The following TBX3 variants were observed in gnomAD, a reference collection of about 807,000 sequenced individuals.
The protein encoded by TBX3 is T-box transcription factor 3, also known as T-box transcription factor TBX3.
In TBX3, 11 loss-of-function variants were observed where a neutral mutation model predicts 47.8. The ratio of observed to expected loss-of-function variants is 0.23; its 90% confidence interval spans 0.14 to 0.38. The LOEUF (loss-of-function observed/expected upper bound fraction) is 0.38, where lower values mean the gene tolerates loss of function less well. Ranked by LOEUF, TBX3 falls within the 10% of genes least tolerant of loss-of-function variation. The pLI, the probability that TBX3 is intolerant of heterozygous loss-of-function variation, is 1.00. For missense variants in TBX3, 927 were observed against 1,022.8 expected, an observed-to-expected ratio of 0.91 and a Z score of 1.28; for synonymous variants, 500 against 449.3, an observed-to-expected ratio of 1.11 and a Z score of -1.43.
rs1592850910 is a variant in TBX3 at position 114,680,689 on chromosome 12, C to A, written c.657+190G>T. ...GCCGGTAAGTTTTCTTGCCCCATTT[C>A]TTTTAGAACGCCAGGCCTTCCATTA... On this transcript the variant is annotated intron_variant, in intron 2 of 6. Transcript: ENST00000349155. 1.7e-5 allele frequency: 14 copies of A among 833,752 alleles called. No individual in the cohort carries two copies. In the East Asian group the frequency reaches 3.5e-4, roughly 21 times the overall value. 51.6% of individuals were successfully genotyped at this position (833,752 alleles called of 1,614,324 possible).
At chr12:114,682,481 G>A (rs1012471148) in intron 1 of TBX3, among the ~76,000 whole-genome samples, 8 of 151,430 alleles carry the variant, frequency 5.3e-5, no homozygotes, top group African/African-American at 1.9e-4. Context: ...GATGTTCCAG[G>A]AGGGTTTGAA....
In TBX3 at chr12:114,683,336, AG is replaced by A. The variant is rs1869032370; in HGVS notation, c.-137del. The stretch of plus-strand genomic sequence containing the variant: ...AAGCAAAACAAAAAAGAAAGAAAAA[AG>A]AAAAGGAGGCAGAAATCACAACTAA... On this transcript the variant is annotated 5_prime_UTR_variant, in exon 1 of 7. Coordinates refer to ENST00000349155, the MANE Select transcript of TBX3 (RefSeq NM_005996.4). The surrounding 1 kb of genome is among the most constrained non-coding windows in gnomAD (Gnocchi z 7.7). 12 of 1,240,368 alleles carry A rather than the reference AG, an allele frequency of 9.7e-6. No homozygotes were observed. In the South Asian group the frequency reaches 1.8e-4, roughly 19 times the overall value. 76.8% of individuals were successfully genotyped at this position (1,240,368 alleles called of 1,614,324 possible). A position where few individuals can be genotyped will look rare whatever the true frequency, so the allele number is the denominator to read the frequency against.
chr12:114,671,222 A>T lies in TBX3; in HGVS notation c.*619T>A, dbSNP rs1236134397. On this transcript the variant is annotated 3_prime_UTR_variant, in exon 7 of 7. Coordinates refer to ENST00000349155, the MANE Select transcript of TBX3 (RefSeq NM_005996.4). ...TACATTACTGTGGACATGCAAGAAG[A>T]GACCTACAGCGGCTCTGAAAACATC... is the stretch of plus-strand genomic sequence containing the variant. 3 of 226,820 alleles carry T rather than the reference A, an allele frequency of 1.3e-5. No individual in the cohort carries two copies. The East Asian group carries it at 1.9e-4, about 15-fold the overall frequency. 14.1% of individuals were successfully genotyped at this position (226,820 alleles called of 1,614,324 possible).
chr12:114,674,347 C>T lies in TBX3; in HGVS notation c.1528G>A (p.Ala510Thr), dbSNP rs1444457719. The T allele has an allele frequency of 1.3e-5, 20 of 1,558,850 alleles. No homozygotes were observed. The highest frequency in any genetic ancestry group is 2.7e-5 in the African/African-American group (2 of 73,492). Reference protein sequence around the residue: ...LHPSQFAMGGAFSSMAAAGMG... With the variant: ...LHPSQFAMGGTFSSMAAAGMG... ...CCAGCGGCCGCCATGCTGGAGAAGGCGCCCCCCATGGCAAACTGGCTGGGG... is the reference window on the plus strand; with the variant it reads ...CCAGCGGCCGCCATGCTGGAGAAGGTGCCCCCCATGGCAAACTGGCTGGGG... The change falls in exon 6 of 7, where the codon GCC (alanine) becomes ACC (threonine). Residue 510 changes from alanine to threonine, a missense_variant. Ala to Thr is a moderately conservative substitution (Grantham distance 58). Transcript: ENST00000349155.
intron 5 of TBX3, 72 bp from the exon 6 acceptor site, chr12:114,674,907 C>A: frequency 1.3e-6 from 2 of 1,530,342 alleles, no homozygotes; most frequent in South Asian, 1.2e-5. Context: ...AACTCCAGTT[C>A]CCAAGTTGGA....
At chr12:114,678,146 C>A (rs901269283) in intron 3 of TBX3, among the ~76,000 whole-genome samples, 1 of 148,552 alleles carries the variant, frequency 6.7e-6, no homozygotes, top group African/African-American at 2.5e-5. Flanking sequence ...TTTTTTTTTT[C>A]TTTGCCTGGG....
chr12:114,680,659 C>CA, intron 2 of TBX3: 1 of 680,294 alleles, frequency 1.5e-6, no homozygotes. Context: ...TGCTATAGAA[C>CA]ACAAGCCGGT....
At chr12:114,679,413 C>A in intron 3 of TBX3, 92 bp downstream of exon 3, 1 of 1,556,954 alleles carries the variant, frequency 6.4e-7, no homozygotes, top group African/African-American at 1.4e-5. Flanking sequence ...CTCTCGTCTC[C>A]ACTCTCTTGT....
intron 5 of TBX3, 68 bp downstream of exon 5, chr12:114,676,245 A>C: frequency 6.2e-7 from 1 of 1,603,682 alleles, no homozygotes; most frequent in Non-Finnish European, 8.5e-7. Context: ...TTGGTGCCCC[A>C]TCCCCCTTCA....
intron 6 of TBX3, among the ~76,000 whole-genome samples, 161 bp from the exon 7 acceptor site, chr12:114,672,463 T>C (rs995883978): frequency 7.6e-6 from 1 of 131,372 alleles, no homozygotes; most frequent in South Asian, 2.7e-4. Flanking sequence ...GGGAGATAGG[T>C]GGGGGCAGGA....
In TBX3 at chr12:114,682,860, T is replaced by A. The variant is rs746495505; in HGVS notation, c.341A>T (p.Asp114Val). ...CTCGGTGCCCCGCTTGTGAAACTGATCCCAAAGTTCTTTAGCCTCCAGGTG... is the reference window on the plus strand; with the variant it reads ...CTCGGTGCCCCGCTTGTGAAACTGAACCCAAAGTTCTTTAGCCTCCAGGTG... ...KVHLEAKELW[D>V]QFHKRGTEMV... Residue 114 changes from aspartate to valine, a missense_variant, in exon 1 of 7, where the codon GAT becomes GTT. By Grantham distance (152) the Asp-to-Val change is radical. This residue lies in a region of TBX3 where 216 missense variants were observed against 281.2 expected (regional missense o/e 0.77). Transcript: ENST00000349155. The A allele has an allele frequency of 3.1e-6, 5 of 1,614,084 alleles. No individual in the cohort carries two copies. The highest frequency in any genetic ancestry group is 4.2e-6 in the Non-Finnish European group (5 of 1,180,000).
intron 6 of TBX3, among the ~76,000 whole-genome samples, chr12:114,673,950 C>T (rs1258194773): frequency 2.0e-5 from 3 of 152,208 alleles, no homozygotes; most frequent in East Asian, 3.8e-4. Flanking sequence ...CTGGAAACAG[C>T]CTTTAACTTC....
At position 114,671,926 on chromosome 12, in the gene TBX3, G is replaced by T. The variant is rs369538205; in HGVS notation, c.2087C>A (p.Ala696Glu). The change falls in exon 7 of 7, where the codon GCG becomes GAG. Residue 696 changes from alanine to glutamate, a missense_variant. This residue lies in a region of TBX3 where 623 missense variants were observed against 569.0 expected (regional missense o/e 1.09). Coordinates refer to ENST00000349155, the MANE Select transcript of TBX3 (RefSeq NM_005996.4). The part of the protein sequence containing the change: ...LSPKLCAEKE[A>E]ATSELQSIQR... ...GATGCTCTGCAGTTCGCTGGTGGCC[G>T]CCTCTTTCTCCGCGCAGAGTTTGGG... is the stretch of plus-strand genomic sequence containing the variant. The T allele has an allele frequency of 6.3e-7, 1 of 1,588,766 alleles. No individual in the cohort carries two copies. Among genetic ancestry groups the T allele is most frequent in the South Asian group, 1.1e-5 (1 of 87,062 alleles).
Position 114,683,792 on chromosome 12 carries a change from A to T in TBX3, c.-592T>A, listed in dbSNP as rs1242036470. The T allele has an allele frequency of 3.6e-5, 3 of 83,354 alleles. No homozygotes were observed. The highest frequency in any genetic ancestry group is 9.2e-5 in the African/African-American group (1 of 10,872). 5.2% of individuals were successfully genotyped at this position (83,354 alleles called of 1,614,324 possible). On this transcript the variant is annotated 5_prime_UTR_variant, in exon 1 of 7. Transcript: ENST00000349155. The surrounding 1 kb of genome is among the most constrained non-coding windows in gnomAD (Gnocchi z 7.7). ...GAGCGGAAAAAGTCTCTCTCCTTTAAAAAAAAAAAAATCTGATTTAAACCC... is the reference window on the plus strand; with the variant it reads ...GAGCGGAAAAAGTCTCTCTCCTTTATAAAAAAAAAAATCTGATTTAAACCC...
Position 114,674,679 on chromosome 12 carries a change from G to T in TBX3, c.1196C>A (p.Ala399Asp). Residue 399 changes from alanine to aspartate, a missense_variant, in exon 6 of 7, where the codon GCT becomes GAT. Coordinates refer to ENST00000349155, the MANE Select transcript of TBX3 (RefSeq NM_005996.4). Reference protein sequence around the residue: ...SPAVKAHLFAAERPRDSGRLD... With the variant: ...SPAVKAHLFADERPRDSGRLD... ...CCGCCCGCTGTCCCGGGGCCGCTCA[G>T]CAGCGAAAAGGTGAGCCTTGACCGC... is the stretch of plus-strand genomic sequence containing the variant. 6.2e-7 allele frequency: 1 copy of T among 1,607,542 alleles called. No homozygotes were observed.
rs188119866 is a variant in TBX3, at chr12:114,681,793, C to A, written c.390-647G>T. Among the ~76,000 whole-genome samples the A allele has an allele frequency of 3.9e-5, 6 of 152,298 alleles. 1 individual carries two copies. The highest frequency in any genetic ancestry group is 3.9e-4 in the Admixed American group (6 of 15,308). On this transcript the variant is annotated intron_variant, in intron 1 of 6. Coordinates refer to ENST00000349155, the MANE Select transcript of TBX3 (RefSeq NM_005996.4). Reference sequence around the variant, plus strand: ...CACTTCTTAGGCCAGTCCAAAACCGCAAGACTGTGCCACCACATTGCTGTT... The same window carrying A: ...CACTTCTTAGGCCAGTCCAAAACCGAAAGACTGTGCCACCACATTGCTGTT...
rs780623583 is a variant in TBX3, at chr12:114,674,149, G to C, written c.1710+16C>G. On this transcript the variant is annotated intron_variant, in intron 6 of 6. Coordinates refer to ENST00000349155, the MANE Select transcript of TBX3 (RefSeq NM_005996.4). The stretch of plus-strand genomic sequence containing the variant: ...AAGGTGGAAAGACTGGTGGAGGCAG[G>C]AAGAAGGATCCATACCTGAGAGGCC... 2.5e-6 allele frequency: 4 copies of C among 1,577,634 alleles called. No individual in the cohort carries two copies. The highest frequency in any genetic ancestry group is 3.4e-6 in the Non-Finnish European group (4 of 1,163,350).
chr12:114,670,664 C>CT lies in TBX3; in HGVS notation c.*1176dup, dbSNP rs1349896684. 1 of 211,128 alleles carries CT rather than the reference C, an allele frequency of 4.7e-6. No individual in the cohort carries two copies. The highest frequency in any genetic ancestry group is 2.3e-5 in the African/African-American group (1 of 44,372). The allele number at this position is 211,128 out of a possible 1,614,324, so 13.1% of individuals were successfully genotyped here. On this transcript the variant is annotated 3_prime_UTR_variant, in exon 7 of 7. Coordinates refer to ENST00000349155, the MANE Select transcript of TBX3 (RefSeq NM_005996.4). ...AAATAGGAAATAGCACTTTCCCCCACTTTTGGACATTAAAAAAGAAAACAA... is the reference window on the plus strand; with the variant it reads ...AAATAGGAAATAGCACTTTCCCCCACTTTTTGGACATTAAAAAAGAAAACAA...
intron 6 of TBX3, 106 bp downstream of exon 6, chr12:114,674,059 T>C (rs1196846234): frequency 5.7e-6 from 8 of 1,412,518 alleles, no homozygotes; most frequent in Non-Finnish European, 7.7e-6. Flanking sequence ...GTAAAAATTA[T>C]TACAGCTACT....
Sources: gnomAD v4.1 joint callset for allele counts (sites outside exome capture counted in the v4.1 genomes callset) on GRCh38, gnomAD v4.1.1 for gene constraint, gnomAD v4.1.1 regional missense constraint, Gnocchi (gnomAD v3.1) non-coding constraint, MANE v1.5 for transcripts, NCBI Gene and HGNC (gene_info 2026-07-23, HGNC 2026-07-21) for gene names.